PPP2R2B: variants seen among roughly 807,000 people sequenced by gnomAD.
PPP2R2B encodes the protein serine/threonine-protein phosphatase 2A 55 kDa regulatory subunit B beta isoform.
In PPP2R2B, 5 loss-of-function variants were observed where a neutral mutation model predicts 46.0. That is an observed-to-expected ratio of 0.11 (90% CI 0.06 to 0.23). The LOEUF (loss-of-function observed/expected upper bound fraction) is 0.23, where lower values mean the gene tolerates loss of function less well. Among genes scored for constraint, PPP2R2B ranks in the 10% least tolerant of loss-of-function variants. PPP2R2B has a pLI of 1.00. For missense variants in PPP2R2B, 367 were observed against 575.0 expected, an observed-to-expected ratio of 0.64 and a Z score of 3.70; for synonymous variants, 215 against 206.7, an observed-to-expected ratio of 1.04 and a Z score of -0.34.
chr5:146,615,514 T>TAAAAAAAAAAAAAAAA (rs1561772287), intron 7 of PPP2R2B, among the ~76,000 whole-genome samples: 1 of 83,252 alleles, frequency 1.2e-5, no homozygotes, highest in Non-Finnish European at 2.3e-5. Context: ...AAAAAAAAAA[T>TAAAAAAAAAAAAAAAA]TAAAAAAAAA....
chr5:146,858,785 T>G (rs1156610932), intron 2 of PPP2R2B, among the ~76,000 whole-genome samples: 1 of 152,196 alleles, frequency 6.6e-6, no homozygotes. Context: ...ATGTCTTTAT[T>G]ATCACCAAAC....
intron 1 of PPP2R2B, among the ~76,000 whole-genome samples, chr5:146,958,069 T>TC (rs1271410546): frequency 6.6e-6 from 1 of 151,992 alleles, no homozygotes; most frequent in East Asian, 1.9e-4. Flanking sequence ...TTTTTTTTTT[T>TC]CTCCAAATGT....
At chr5:146,944,241 C>A (rs1288602631) in intron 1 of PPP2R2B, among the ~76,000 whole-genome samples, 1 of 152,018 alleles carries the variant, frequency 6.6e-6, no homozygotes, top group Non-Finnish European at 1.5e-5. Flanking sequence ...GAAAAGGTAT[C>A]CAGGTAACCA....
At chr5:146,732,143 A>T (rs1014376400) in intron 2 of PPP2R2B, among the ~76,000 whole-genome samples, 11 of 152,220 alleles carry the variant, frequency 7.2e-5, no homozygotes, top group African/African-American at 2.7e-4. Context: ...AGCTGAAATC[A>T]CCACTCATTT....
At chr5:146,897,586 A>G (rs752501995) in intron 1 of PPP2R2B, among the ~76,000 whole-genome samples, 12 of 152,194 alleles carry the variant, frequency 7.9e-5, no homozygotes, top group Non-Finnish European at 1.6e-4. Flanking sequence ...ATGACTTGGC[A>G]ATGGAAGATC....
chr5:146,826,484 C>G (rs1758584655), intron 2 of PPP2R2B, among the ~76,000 whole-genome samples: 1 of 152,004 alleles, frequency 6.6e-6, no homozygotes, highest in Non-Finnish European at 1.5e-5. Flanking sequence ...GAATCTAACC[C>G]AAGATAATCT....
At chr5:146,704,558 A>T (rs1435060792) in intron 2 of PPP2R2B, among the ~76,000 whole-genome samples, 1 of 152,228 alleles carries the variant, frequency 6.6e-6, no homozygotes, top group Non-Finnish European at 1.5e-5. Context: ...TAAAAACAAA[A>T]GCCAGAAACA....
intron 3 of PPP2R2B, among the ~76,000 whole-genome samples, chr5:146,700,506 G>A (rs534705465): frequency 2.6e-4 from 40 of 152,074 alleles, no homozygotes; most frequent in Non-Finnish European, 5.3e-4. Context: ...TCAGCTCCAG[G>A]GCCCTCTGTG....
intron 2 of PPP2R2B, among the ~76,000 whole-genome samples, chr5:146,777,486 A>G (rs374492132): frequency 5.1e-4 from 77 of 152,284 alleles, no homozygotes; most frequent in African/African-American, 1.8e-3. Flanking sequence ...ATGAGAAGTT[A>G]TCACTTAATG....
In PPP2R2B at chr5:146,698,136, A is replaced by G. The variant is rs776320593; in HGVS notation, c.177T>C (p.Asn59=). The change falls in exon 4 of 10, where the codon AAT becomes AAC. Residue 59 remains asparagine, a synonymous_variant. Transcript: ENST00000394411. ...TGTATTCACCCCTACGATGAACCTG[A>G]TTTTTACTCTGTAGGAAAGGAAAAA... is the stretch of plus-strand genomic sequence containing the variant. ...VIFQREQESK[N]QVHRRGEYNV... 5 of 1,592,400 alleles carry G rather than the reference A, an allele frequency of 3.1e-6. No homozygotes were observed. The East Asian group carries it at 1.1e-4, about 36-fold the overall frequency.
At position 146,688,278 on chromosome 5, in the gene PPP2R2B, A is replaced by T. The variant is rs1778631230; in HGVS notation, c.447+2850T>A. On this transcript the variant is annotated intron_variant, in intron 5 of 9. Coordinates refer to ENST00000394411, the MANE Select transcript of PPP2R2B (RefSeq NM_181675.4). Reference sequence around the variant, plus strand: ...TAACAGAGGTTATATAGCAAATATAACATGTCTCTCCAAAAAATAACAGGT... The same window carrying T: ...TAACAGAGGTTATATAGCAAATATATCATGTCTCTCCAAAAAATAACAGGT... Among the ~76,000 whole-genome samples, 5 of 152,228 alleles carry T rather than the reference A, an allele frequency of 3.3e-5. No individual in the cohort carries two copies. In the South Asian group the frequency reaches 1.0e-3, roughly 32 times the overall value.
rs934979028 is a variant in PPP2R2B at position 146,581,783 on chromosome 5, T to G, written c.*8164A>C. ...GATTGTCTTTAATATGCAACTATGA[T>G]TGTTTGCTGTTCTCTTTATATATTC... On this transcript the variant is annotated 3_prime_UTR_variant, in exon 10 of 10. Coordinates refer to ENST00000394411, the MANE Select transcript of PPP2R2B (RefSeq NM_181675.4). 1 of 152,232 alleles carries G rather than the reference T, an allele frequency of 6.6e-6. No individual in the cohort carries two copies. Among genetic ancestry groups the G allele is most frequent in the East Asian group, 1.9e-4 (1 of 5,196 alleles). 9.4% of individuals were successfully genotyped at this position (152,232 alleles called of 1,614,324 possible).
chr5:146,730,447 T>C (rs1275682769), intron 2 of PPP2R2B, among the ~76,000 whole-genome samples: 2 of 152,088 alleles, frequency 1.3e-5, no homozygotes, highest in African/African-American at 4.8e-5. Flanking sequence ...AGTTTTGAAA[T>C]GTGGAGACGT....
At chr5:146,615,576 A>G (rs1773093034) in intron 7 of PPP2R2B, among the ~76,000 whole-genome samples, 1 of 151,518 alleles carries the variant, frequency 6.6e-6, no homozygotes, top group Non-Finnish European at 1.5e-5. Flanking sequence ...GTAAAACTGC[A>G]GGATACAAAA....
At chr5:146,699,399 C>CT (rs1209005851) in intron 3 of PPP2R2B, among the ~76,000 whole-genome samples, 1 of 152,210 alleles carries the variant, frequency 6.6e-6, no homozygotes, top group Non-Finnish European at 1.5e-5. Flanking sequence ...GGCCACAAAG[C>CT]TTAACGCTTA....
At chr5:146,901,545 A>C (rs75906333) in intron 1 of PPP2R2B, among the ~76,000 whole-genome samples, 3,092 of 152,076 alleles carry the variant, frequency 0.02, 59 homozygotes, top group Non-Finnish European at 0.033. Flanking sequence ...CTACATTTCC[A>C]ATGCTATTTC....
chr5:146,914,009 T>C (rs1028050296), intron 1 of PPP2R2B, among the ~76,000 whole-genome samples: 5 of 152,208 alleles, frequency 3.3e-5, no homozygotes, highest in African/African-American at 1.2e-4. Context: ...AGCAGGTGGC[T>C]TTGAGAGGCA....
intron 7 of PPP2R2B, among the ~76,000 whole-genome samples, chr5:146,603,589 G>GCA (rs1418700678): frequency 6.6e-6 from 1 of 152,176 alleles, no homozygotes; most frequent in African/African-American, 2.4e-5. Context: ...TACCAGCACA[G>GCA]CACTTTGTAG....
chr5:146,805,660 C>T (rs940821969), intron 2 of PPP2R2B, among the ~76,000 whole-genome samples: 35 of 152,216 alleles, frequency 2.3e-4, no homozygotes, highest in African/African-American at 8.2e-4. Context: ...GCCTGTAGTA[C>T]AAATTGCACC....
Sources: allele counts gnomAD v4.1 joint callset (sites outside exome capture counted in the v4.1 genomes callset), GRCh38; gene constraint gnomAD v4.1.1; transcripts MANE v1.5; gene names NCBI Gene and HGNC (gene_info 2026-07-23, HGNC 2026-07-21).